The following ELMO1 variants were observed in gnomAD, a reference collection of about 807,000 sequenced individuals.
The protein encoded by ELMO1 is engulfment and cell motility 1, also known as engulfment and cell motility protein 1.
In ELMO1, 26 loss-of-function variants were observed where a neutral mutation model predicts 98.9. The ratio of observed to expected loss-of-function variants is 0.26; its 90% CI spans 0.19 to 0.36. The LOEUF is 0.36. Ranked by LOEUF, ELMO1 falls within the 10% of genes least tolerant of loss-of-function variation. ELMO1 has a pLI of 1.00. For synonymous variants in ELMO1, 346 were observed against 346.0 expected (o/e 1.00, Z 0.00); for missense variants, 627 against 935.2 (o/e 0.67, Z 4.30).
intron 4 of ELMO1, among the ~76,000 whole-genome samples, chr7:37,288,193 C>T (rs906783167): frequency 1.3e-4 from 19 of 150,814 alleles, no homozygotes; most frequent in African/African-American, 4.6e-4. Flanking sequence ...CTCCTGACCT[C>T]AGGTGATCTG....
chr7:37,210,166 A>T (rs1351021411), intron 13 of ELMO1, among the ~76,000 whole-genome samples: 1 of 152,226 alleles, frequency 6.6e-6, no homozygotes. Context: ...CAGTATCAAA[A>T]GCCTTGAAAA....
In ELMO1 at chr7:37,079,477, A is replaced by G. The variant is rs528517666; in HGVS notation, c.1300+17142T>C. Reference sequence around the variant, plus strand: ...AAATGTTTCTAAAAGCCTCCTCTTCACTATCTCCTCACAGCCATCAGTGGC... The same window carrying G: ...AAATGTTTCTAAAAGCCTCCTCTTCGCTATCTCCTCACAGCCATCAGTGGC... On this transcript the variant is annotated intron_variant, in intron 15 of 21. Coordinates refer to ENST00000310758, the MANE Select transcript of ELMO1 (RefSeq NM_014800.11). 4.6e-5 allele frequency among the ~76,000 whole-genome samples: 7 copies of G among 152,172 alleles called. No individual in the cohort carries two copies. In the South Asian group the frequency reaches 1.4e-3, roughly 32 times the overall value.
intron 16 of ELMO1, among the ~76,000 whole-genome samples, chr7:36,900,051 A>T (rs1233377825): frequency 6.6e-6 from 1 of 152,176 alleles, no homozygotes; most frequent in Admixed American, 6.5e-5. Flanking sequence ...TCAGCTGGCC[A>T]CTTGGTAGGA....
intron 13 of ELMO1, among the ~76,000 whole-genome samples, chr7:37,200,244 A>ATTTTTTT (rs373030810): frequency 7.3e-6 from 1 of 137,556 alleles, no homozygotes. Flanking sequence ...AAGCTAATTA[A>ATTTTTTT]TTTTTTTTTT....
At chr7:36,939,134 T>C (rs575838249) in intron 16 of ELMO1, among the ~76,000 whole-genome samples, 3 of 152,136 alleles carry the variant, frequency 2.0e-5, no homozygotes, top group Admixed American at 1.3e-4. Context: ...TAAAGTACTA[T>C]GGACATAACT....
intron 16 of ELMO1, among the ~76,000 whole-genome samples, chr7:36,989,409 A>G (rs752644580): frequency 2.6e-5 from 4 of 152,216 alleles, no homozygotes; most frequent in Admixed American, 1.3e-4. Flanking sequence ...TCTCTCCCCA[A>G]TCAGAATTTC....
chr7:36,936,765 T>G (rs912610672), intron 16 of ELMO1, among the ~76,000 whole-genome samples: 2 of 152,328 alleles, frequency 1.3e-5, no homozygotes, highest in Admixed American at 1.3e-4. Context: ...ATTTTCTTCT[T>G]AAAGACCATT....
At chr7:36,866,159 C>A (rs943959444) in intron 20 of ELMO1, among the ~76,000 whole-genome samples, 34 of 152,140 alleles carry the variant, frequency 2.2e-4, no homozygotes, top group Non-Finnish European at 2.9e-4. Flanking sequence ...ACCAAGAATG[C>A]CCACCTTAAA....
At chr7:37,155,464 T>A (rs1179288563) in intron 13 of ELMO1, among the ~76,000 whole-genome samples, 2 of 57,668 alleles carry the variant, frequency 3.5e-5, no homozygotes, top group African/African-American at 1.2e-4. Context: ...AATAAAGGGA[T>A]GGAGGAAGAA....
At chr7:37,434,629 C>G (rs1379158055) in intron 1 of ELMO1, among the ~76,000 whole-genome samples, 1 of 152,194 alleles carries the variant, frequency 6.6e-6, no homozygotes, top group South Asian at 2.1e-4. Context: ...GGGTAAAACT[C>G]TTCAGTCACT....
At chr7:37,428,225 A>G (rs1804789982) in intron 1 of ELMO1, among the ~76,000 whole-genome samples, 2 of 152,188 alleles carry the variant, frequency 1.3e-5, no homozygotes, top group South Asian at 4.1e-4. Context: ...AAAAAATAAA[A>G]TATTTTTGAA....
intron 14 of ELMO1, among the ~76,000 whole-genome samples, chr7:37,129,255 C>CTG (rs10572701): frequency 0.28 from 42,631 of 151,876 alleles, 8,383 homozygotes; most frequent in African/African-American, 0.56. Context: ...ACTCGGAACT[C>CTG]TTTAGGAAGA....
At chr7:37,346,831 G>T (rs1801031927) in intron 1 of ELMO1, among the ~76,000 whole-genome samples, 1 of 152,156 alleles carries the variant, frequency 6.6e-6, no homozygotes. Context: ...TAACCTTCTA[G>T]GAATCAAAGG....
In ELMO1 at chr7:37,342,537, G is replaced by T. The variant is rs1800770716; in HGVS notation, c.78+76C>A. The T allele has an allele frequency of 7.2e-7, 1 of 1,397,002 alleles. No individual in the cohort carries two copies. Among genetic ancestry groups the T allele is most frequent in the Non-Finnish European group, 1.0e-6 (1 of 983,428 alleles). The allele number at this position is 1,397,002 out of a possible 1,614,324, so 86.5% of individuals were successfully genotyped here. On this transcript the variant is annotated intron_variant, in intron 2 of 21. Coordinates refer to ENST00000310758, the MANE Select transcript of ELMO1 (RefSeq NM_014800.11). This position sits in a 1 kb window ranked among gnomAD's most constrained non-coding sequence, Gnocchi z 4.3. ...TAGAGAGAGAAAGGGAGAAGAGTGA[G>T]CTATCCAAAGTCTATGAAAATTCCA...
At chr7:37,089,945 G>A (rs1023929493) in intron 15 of ELMO1, among the ~76,000 whole-genome samples, 1 of 152,130 alleles carries the variant, frequency 6.6e-6, no homozygotes, top group Non-Finnish European at 1.5e-5. Context: ...CCCTGTCCAT[G>A]GCTGGGCTAG....
chr7:37,012,074 G>T (rs1178379290), intron 16 of ELMO1, among the ~76,000 whole-genome samples: 1 of 152,170 alleles, frequency 6.6e-6, no homozygotes, highest in Non-Finnish European at 1.5e-5. Context: ...CATTACTGGG[G>T]TCTATTTCAA....
At chr7:37,078,303 G>A (rs563801797) in intron 15 of ELMO1, among the ~76,000 whole-genome samples, 1 of 152,316 alleles carries the variant, frequency 6.6e-6, no homozygotes, top group Non-Finnish European at 1.5e-5. Flanking sequence ...TGGCTATAGT[G>A]TAGATGAAGA....
chr7:36,994,693 C>G (rs755674846), intron 16 of ELMO1, among the ~76,000 whole-genome samples: 2 of 152,208 alleles, frequency 1.3e-5, no homozygotes, highest in Non-Finnish European at 2.9e-5. Flanking sequence ...GAACACTACC[C>G]CTTTCAGAAA....
chr7:37,156,001 G>T (rs2129324034), intron 13 of ELMO1, among the ~76,000 whole-genome samples: 1 of 152,226 alleles, frequency 6.6e-6, no homozygotes, highest in African/African-American at 2.4e-5. Flanking sequence ...CATCAAATTA[G>T]AACTCAGGAT....
Sources: allele counts gnomAD v4.1 joint callset (sites outside exome capture counted in the v4.1 genomes callset), GRCh38; gene constraint gnomAD v4.1.1; non-coding constraint Gnocchi (gnomAD v3.1); transcripts MANE v1.5; gene names NCBI Gene and HGNC (gene_info 2026-07-23, HGNC 2026-07-21).